The following SLAMF7 variants were observed in gnomAD, a reference collection of about 807,000 sequenced individuals.
The protein encoded by SLAMF7 is 19A24 protein.
In SLAMF7, 26 loss-of-function variants were observed where a neutral mutation model predicts 34.1. That is an observed-to-expected ratio of 0.76 (90% CI 0.56 to 1.06). The LOEUF (loss-of-function observed/expected upper bound fraction) is 1.06. SLAMF7 is among the 50% of genes least tolerant of loss of function. SLAMF7 has a pLI of 0.00. For synonymous variants in SLAMF7, 171 were observed against 156.4 expected, an observed-to-expected ratio of 1.09 and a Z score of -0.70; for missense variants, 399 against 402.5, an observed-to-expected ratio of 0.99 and a Z score of 0.07.
At position 160,748,431 on chromosome 1, in the gene SLAMF7, ATGAC is replaced by A. The variant is rs1171029036; in HGVS notation, c.295_298del (p.Asp99GlnfsTer47). The A allele has an allele frequency of 6.2e-7, 1 of 1,614,116 alleles. No homozygotes were observed. The highest frequency in any genetic ancestry group is 1.7e-5 in the Admixed American group (1 of 60,020). ...CTGAAGCTCAGCAAACTGAAGAAGA[ATGAC>A]TCAGGGATCTACTATGTGGGGATAT... is the stretch of plus-strand genomic sequence containing the variant. On this transcript the variant is annotated frameshift_variant, in exon 2 of 7. Coordinates refer to ENST00000368043, the MANE Select transcript of SLAMF7 (RefSeq NM_021181.5). LOFTEE classifies it high-confidence loss of function.
chr1:160,749,418 A>C (rs1389009459), intron 2 of SLAMF7, among the ~76,000 whole-genome samples: 1 of 151,134 alleles, frequency 6.6e-6, no homozygotes, highest in East Asian at 1.9e-4. Context: ...ACTCCAACAC[A>C]ATTTTCTCCT....
chr1:160,748,499 G>A lies in SLAMF7; in HGVS notation c.361G>A (p.Val121Met), dbSNP rs111928072. The A allele has an allele frequency of 1.6e-4, 251 of 1,612,696 alleles. 4 individuals carry two copies. In the South Asian group the frequency reaches 2.4e-3, roughly 15 times the overall value. Residue 121 changes from valine (V) to methionine (M), a missense_variant, in exon 2 of 7, where the codon GTG becomes ATG. Val to Met is a conservative substitution (Grantham distance 21, BLOSUM62 1). Transcript: ENST00000368043. ...SLQQPSTQEY[V>M]LHVYEHLSKP... ...CCAGCAGCCCTCCACCCAGGAGTAC[G>A]TGCTGCATGTCTACGGTGAGCAAAA...
chr1:160,748,367 A>T lies in SLAMF7; in HGVS notation c.229A>T (p.Asn77Tyr). Residue 77 changes from asparagine (N) to tyrosine (Y), a missense_variant, in exon 2 of 7, where the codon AAT (asparagine) becomes TAT (tyrosine). Asn to Tyr is a moderately radical substitution (Grantham distance 143, BLOSUM62 -2). Coordinates refer to ENST00000368043, the MANE Select transcript of SLAMF7 (RefSeq NM_021181.5). The stretch of plus-strand genomic sequence containing the variant: ...CACTATCATAGTGACCCAAAATCGT[A>T]ATAGGGAGAGAGTAGACTTCCCAGA... ...GGTIIVTQNR[N>Y]RERVDFPDGG... 1 of 1,614,090 alleles carries T rather than the reference A, an allele frequency of 6.2e-7. No individual in the cohort carries two copies. Among genetic ancestry groups the T allele is most frequent in the Non-Finnish European group, 8.5e-7 (1 of 1,179,978 alleles).
Position 160,750,023 on chromosome 1 carries a change from C to T in SLAMF7, c.579C>T (p.Phe193=), listed in dbSNP as rs1176111193. 1 of 1,614,142 alleles carries T rather than the reference C, an allele frequency of 6.2e-7. No homozygotes were observed. Among genetic ancestry groups the T allele is most frequent in the East Asian group, 2.2e-5 (1 of 44,888 alleles). The change falls in exon 3 of 7, where the codon TTC becomes TTT. Residue 193 remains phenylalanine (F), a synonymous_variant. Transcript: ENST00000368043. ...GATGGGGAGAAAGTGATATGACCTTCATCTGCGTTGCCAGGAACCCTGTCA... is the reference window on the plus strand; with the variant it reads ...GATGGGGAGAAAGTGATATGACCTTTATCTGCGTTGCCAGGAACCCTGTCA... ...SWRWGESDMT[F]ICVARNPVSR... is the part of the protein sequence containing the mutation.
intron 1 of SLAMF7, among the ~76,000 whole-genome samples, chr1:160,744,103 G>A (rs995083300): frequency 3.3e-5 from 5 of 152,126 alleles, no homozygotes; most frequent in African/African-American, 1.2e-4. Context: ...CCTAAACAAT[G>A]AGAACTAAAT....
intron 1 of SLAMF7, 74 bp from the exon 2 acceptor site, chr1:160,748,120 G>A: frequency 6.7e-7 from 1 of 1,491,222 alleles, no homozygotes; most frequent in Non-Finnish European, 9.1e-7. Flanking sequence ...GATCTCTCCA[G>A]GACCCAAAGG....
chr1:160,750,721 G>T, intron 4 of SLAMF7: 1 of 289,398 alleles, frequency 3.5e-6, no homozygotes, highest in South Asian at 4.3e-5. Flanking sequence ...GTTGATACAG[G>T]CCCCACACTG....
At chr1:160,741,171 C>G (rs927335801) in intron 1 of SLAMF7, among the ~76,000 whole-genome samples, 2 of 152,176 alleles carry the variant, frequency 1.3e-5, no homozygotes, top group African/African-American at 2.4e-5. Context: ...GTCCATGAAG[C>G]AGTTCTCATG....
chr1:160,739,237 A>G, upstream of SLAMF7: 1 of 1,391,462 alleles, frequency 7.2e-7, no homozygotes. Flanking sequence ...CAGCTGGGGA[A>G]GAGGTCTGAG....
chr1:160,741,687 C>T (rs3766370), intron 1 of SLAMF7, among the ~76,000 whole-genome samples: 38,880 of 152,004 alleles, frequency 0.26, 5,207 homozygotes, highest in Non-Finnish European at 0.31. Context: ...TCCTATCCTA[C>T]GCTCACCCCT....
chr1:160,748,398 G>A lies in SLAMF7; in HGVS notation c.260G>A (p.Gly87Asp). 6.2e-7 allele frequency: 1 copy of A among 1,613,980 alleles called. No individual in the cohort carries two copies. The highest frequency in any genetic ancestry group is 8.5e-7 in the Non-Finnish European group (1 of 1,179,930). The stretch of plus-strand genomic sequence containing the variant: ...GAGAGAGTAGACTTCCCAGATGGAG[G>A]CTACTCCCTGAAGCTCAGCAAACTG... ...NRERVDFPDG[G>D]YSLKLSKLKK... Residue 87 changes from glycine (G) to aspartate (D), a missense_variant, in exon 2 of 7, where the codon GGC becomes GAC. Gly to Asp is a moderately conservative substitution (Grantham distance 94). Coordinates refer to ENST00000368043, the MANE Select transcript of SLAMF7 (RefSeq NM_021181.5).
intron 1 of SLAMF7, among the ~76,000 whole-genome samples, chr1:160,745,072 G>C (rs771837100): frequency 2.0e-5 from 3 of 152,102 alleles, no homozygotes; most frequent in Non-Finnish European, 2.9e-5. Context: ...ACATTTTAGA[G>C]GGAAAAATGT....
intron 1 of SLAMF7, among the ~76,000 whole-genome samples, chr1:160,740,639 C>A (rs1245270006): frequency 6.6e-6 from 1 of 152,162 alleles, no homozygotes; most frequent in Admixed American, 6.5e-5. Context: ...CCCTTCTGAG[C>A]CTTGCTCTTC....
intron 1 of SLAMF7, among the ~76,000 whole-genome samples, chr1:160,742,096 G>A (rs1409095739): frequency 6.6e-6 from 1 of 152,022 alleles, no homozygotes; most frequent in East Asian, 1.9e-4. Flanking sequence ...CCTTGGTTCT[G>A]GCTGCACTGA....
At chr1:160,739,859 C>G (rs529595679) in intron 1 of SLAMF7, 14 of 155,144 alleles carry the variant, frequency 9.0e-5, no homozygotes, top group Admixed American at 5.0e-4. Flanking sequence ...GCAATGTAAT[C>G]AGTCTCTACT....
intron 2 of SLAMF7, 81 bp downstream of exon 2, chr1:160,748,595 G>C: frequency 1.5e-6 from 2 of 1,304,136 alleles, no homozygotes; most frequent in Non-Finnish European, 2.1e-6. Flanking sequence ...TTTAAGCAGA[G>C]GCTGAATAAA....
At position 160,748,321 on chromosome 1, in the gene SLAMF7, C is replaced by A. The variant is rs763516762; in HGVS notation, c.183C>A (p.Val61=). The A allele has an allele frequency of 3.1e-6, 5 of 1,613,954 alleles. No individual in the cohort carries two copies. The African/African-American group carries it at 6.7e-5, about 22-fold the overall frequency. Residue 61 remains valine (V), a synonymous_variant, in exon 2 of 7, where the codon GTC becomes GTA. Transcript: ENST00000368043. The stretch of plus-strand genomic sequence containing the variant: ...GGACCTTCAACACAACCCCTCTTGT[C>A]ACCATACAGCCAGAAGGGGGCACTA... ...IVWTFNTTPL[V]TIQPEGGTII... is the part of the protein sequence containing the mutation.
intron 1 of SLAMF7, among the ~76,000 whole-genome samples, chr1:160,745,050 G>A (rs1417815378): frequency 1.3e-5 from 2 of 152,114 alleles, no homozygotes; most frequent in Non-Finnish European, 2.9e-5. Flanking sequence ...AAGTATATAT[G>A]TACCAACTGA....
At chr1:160,750,117 A>C in intron 3 of SLAMF7, 24 bp downstream of exon 3, 1 of 1,609,292 alleles carries the variant, frequency 6.2e-7, no homozygotes, top group African/African-American at 1.3e-5. Flanking sequence ...CCCTCTCCAC[A>C]GGAGACTCTG....
Sources: gnomAD v4.1 joint callset for allele counts (sites outside exome capture counted in the v4.1 genomes callset) on GRCh38, gnomAD v4.1.1 for gene constraint, MANE v1.5 for transcripts, NCBI Gene and HGNC (gene_info 2026-07-23, HGNC 2026-07-21) for gene names.